The following PTPRD variants were observed in gnomAD, a reference collection of about 807,000 sequenced individuals.
PTPRD encodes protein tyrosine phosphatase receptor type D, also known as receptor-type tyrosine-protein phosphatase delta.
A neutral mutation model predicts 214.5 loss-of-function variants in PTPRD; 34 were observed. The observed-to-expected ratio is 0.16, with a 90% CI of 0.12 to 0.21. The LOEUF is 0.21. PTPRD is among the 10% of genes least tolerant of loss of function. The pLI, the probability that PTPRD is intolerant of heterozygous loss-of-function variation, is 1.00. For synonymous variants in PTPRD, 1,128 were observed against 845.7 expected (o/e 1.33, Z -5.79); for missense variants, 2,545 against 2,398.7 (o/e 1.06, Z -1.27).
intron 12 of PTPRD, among the ~76,000 whole-genome samples, chr9:8,637,909 G>A (rs939421667): frequency 1.8e-4 from 27 of 151,980 alleles, no homozygotes; most frequent in South Asian, 2.1e-4. Flanking sequence ...GTTATATGTG[G>A]GGATAGCAGA....
chr9:8,410,033 A>C (rs2093386911), intron 35 of PTPRD, among the ~76,000 whole-genome samples: 1 of 152,204 alleles, frequency 6.6e-6, no homozygotes, highest in Admixed American at 6.5e-5. Flanking sequence ...TGAGGTTTAG[A>C]AGAGCAATCT....
intron 2 of PTPRD, among the ~76,000 whole-genome samples, chr9:10,415,288 A>G (rs16925968): frequency 0.023 from 3,527 of 151,908 alleles, 114 homozygotes; most frequent in African/African-American, 0.079. Flanking sequence ...TATTCCTCAG[A>G]GAACAAGAAT....
chr9:9,762,843 T>C (rs1206353200), intron 6 of PTPRD, among the ~76,000 whole-genome samples: 4 of 152,222 alleles, frequency 2.6e-5, no homozygotes, highest in Non-Finnish European at 5.9e-5. Context: ...TCAGCTGGGT[T>C]GCCATAGCAA....
chr9:8,465,442 C>G (rs746823212), intron 32 of PTPRD, 24 bp downstream of exon 32: 1 of 1,599,036 alleles, frequency 6.3e-7, no homozygotes, highest in East Asian at 2.2e-5. Context: ...CCATAGGAAA[C>G]AGATGCCATC....
At chr9:10,023,534 C>A (rs1015948032) in intron 4 of PTPRD, among the ~76,000 whole-genome samples, 1 of 151,990 alleles carries the variant, frequency 6.6e-6, no homozygotes, top group South Asian at 2.1e-4. Context: ...TTTCACAAAT[C>A]TTTATATTCA....
intron 2 of PTPRD, among the ~76,000 whole-genome samples, chr9:10,460,300 C>T (rs996268309): frequency 6.6e-6 from 1 of 151,834 alleles, no homozygotes; most frequent in African/African-American, 2.4e-5. Flanking sequence ...AATGTTAACA[C>T]TACATAAAGC....
At chr9:10,213,613 C>T (rs2099527083) in intron 3 of PTPRD, among the ~76,000 whole-genome samples, 1 of 152,114 alleles carries the variant, frequency 6.6e-6, no homozygotes, top group Admixed American at 6.6e-5. Flanking sequence ...AACCAGTTTG[C>T]ATATTTCTAA....
At chr9:8,422,057 G>A (rs987024090) in intron 35 of PTPRD, among the ~76,000 whole-genome samples, 2 of 143,596 alleles carry the variant, frequency 1.4e-5, no homozygotes, top group African/African-American at 5.1e-5. Context: ...GAGATGGGAG[G>A]ATCATCTGAG....
At chr9:9,744,845 G>A (rs898205539) in intron 6 of PTPRD, among the ~76,000 whole-genome samples, 3 of 151,844 alleles carry the variant, frequency 2.0e-5, no homozygotes, top group Non-Finnish European at 2.9e-5. Flanking sequence ...GAGCCCTCCA[G>A]CAATTTTAAT....
intron 5 of PTPRD, among the ~76,000 whole-genome samples, chr9:9,908,968 T>C (rs1203659965): frequency 6.6e-6 from 1 of 152,008 alleles, no homozygotes; most frequent in Admixed American, 6.6e-5. Context: ...AACTATTATA[T>C]AGCAAGTGGT....
intron 9 of PTPRD, among the ~76,000 whole-genome samples, chr9:9,225,580 G>A (rs1304498582): frequency 6.6e-6 from 1 of 152,006 alleles, no homozygotes; most frequent in African/African-American, 2.4e-5. Flanking sequence ...TGAACTAAAC[G>A]TGGGTGCTTC....
chr9:9,585,315 C>A (rs1452930393), intron 7 of PTPRD, among the ~76,000 whole-genome samples: 1 of 152,010 alleles, frequency 6.6e-6, no homozygotes, highest in Non-Finnish European at 1.5e-5. Flanking sequence ...GGATCCTGTC[C>A]TTTTTCTACT....
At chr9:10,255,790 T>G (rs751167552) in intron 3 of PTPRD, among the ~76,000 whole-genome samples, 4 of 152,210 alleles carry the variant, frequency 2.6e-5, no homozygotes, top group Non-Finnish European at 4.4e-5. Context: ...CTATACAGTT[T>G]AAGAATTTTT....
At chr9:9,773,099 G>A (rs1019430664) in intron 5 of PTPRD, among the ~76,000 whole-genome samples, 2 of 152,090 alleles carry the variant, frequency 1.3e-5, no homozygotes, top group Non-Finnish European at 2.9e-5. Flanking sequence ...AATATCAAGT[G>A]AATTTTATGG....
At chr9:9,961,747 G>A (rs1295752993) in intron 4 of PTPRD, among the ~76,000 whole-genome samples, 3 of 151,984 alleles carry the variant, frequency 2.0e-5, no homozygotes, top group African/African-American at 7.2e-5. Context: ...ACTGTAATAC[G>A]GTGCTTGGCA....
chr9:9,471,173 G>C (rs2094561107), intron 8 of PTPRD, among the ~76,000 whole-genome samples: 1 of 152,066 alleles, frequency 6.6e-6, no homozygotes, highest in South Asian at 2.1e-4. Context: ...CATTTTCCCA[G>C]ACATATTTTA....
intron 12 of PTPRD, among the ~76,000 whole-genome samples, chr9:8,730,716 G>C (rs1442095876): frequency 6.6e-6 from 1 of 152,116 alleles, no homozygotes; most frequent in Non-Finnish European, 1.5e-5. Flanking sequence ...ATTCACCTGA[G>C]GATTACATTA....
chr9:9,002,294 GAAGTATA>G (rs1476215605), intron 11 of PTPRD, among the ~76,000 whole-genome samples: 1 of 151,718 alleles, frequency 6.6e-6, no homozygotes, highest in Admixed American at 6.6e-5. Context: ...ATGAGGCACT[GAAGTATA>G]TTAAGAAATG....
chr9:8,436,652 A>T lies in PTPRD; in HGVS notation c.4026T>A (p.Leu1342=). The change falls in exon 35 of 46, where the codon CTT becomes CTA. Residue 1342 remains leucine (L), a synonymous_variant. Coordinates refer to ENST00000381196, the MANE Select transcript of PTPRD (RefSeq NM_002839.4). ...ASHPPIPILE[L]ADHIERLKAN... ...CTTTCAATCTTTCAATGTGGTCTGC[A>T]AGTTCCAAGATGGGTATTGGAGGAT... The T allele has an allele frequency of 1.9e-6, 3 of 1,613,576 alleles. No homozygotes were observed. The highest frequency in any genetic ancestry group is 2.5e-6 in the Non-Finnish European group (3 of 1,179,756).
Sources: gnomAD v4.1 joint callset for allele counts (sites outside exome capture counted in the v4.1 genomes callset) on GRCh38, gnomAD v4.1.1 for gene constraint, MANE v1.5 for transcripts, NCBI Gene and HGNC (gene_info 2026-07-23, HGNC 2026-07-21) for gene names.